Variants in EFCAB5 observed in about 807,000 individuals in gnomAD.
EFCAB5 encodes EF-hand calcium binding domain 5.
A neutral mutation model predicts 167.9 loss-of-function variants in EFCAB5; 131 were observed. That is an observed-to-expected ratio of 0.78 (90% CI 0.68 to 0.90). EFCAB5 has a LOEUF of 0.90. Ranked by LOEUF, EFCAB5 falls within the 40% of genes least tolerant of loss-of-function variation. The pLI is 0.00. For missense variants in EFCAB5, 1,663 were observed against 1,745.2 expected (o/e 0.95, Z 0.84); for synonymous variants, 574 against 602.8 (o/e 0.95, Z 0.70).
upstream of EFCAB5, among the ~76,000 whole-genome samples, chr17:29,938,697 C>A (rs1186988089): frequency 6.6e-6 from 1 of 152,218 alleles, no homozygotes; most frequent in Non-Finnish European, 1.5e-5. Flanking sequence ...AAACTGCTTT[C>A]TTTGCCCATC....
At chr17:29,931,338 G>GA (rs1051838880) in intron 1 of EFCAB5, among the ~76,000 whole-genome samples, 27 of 152,172 alleles carry the variant, frequency 1.8e-4, no homozygotes, top group Non-Finnish European at 2.4e-4. Context: ...TGACAGGGCT[G>GA]TCATGAGCTC....
At chr17:29,939,526 G>A (rs1041677341), upstream of EFCAB5, among the ~76,000 whole-genome samples, 9 of 152,200 alleles carry the variant, frequency 5.9e-5, no homozygotes, top group African/African-American at 1.9e-4. Flanking sequence ...AGGCTGTTTA[G>A]TCTGCATGGA....
intron 7 of EFCAB5, among the ~76,000 whole-genome samples, chr17:30,000,993 T>C (rs1477454224): frequency 1.3e-5 from 2 of 152,194 alleles, no homozygotes; most frequent in African/African-American, 4.8e-5. Flanking sequence ...CCCTTCTGCC[T>C]CAGAGTCTGC....
chr17:30,034,323 A>G lies in EFCAB5; in HGVS notation c.1138A>G (p.Ile380Val). The change falls in exon 8 of 23, where the codon ATA (isoleucine) becomes GTA (valine). Residue 380 changes from isoleucine (I) to valine (V), a missense_variant. Transcript: ENST00000394835. ...CHSADEFREV[I>V]KADMRRQMFA... ...CTCTGCAGATGAATTTCGGGAGGTC[A>G]TAAAAGCTGACATGCGGAGGCAGAT... 3 of 1,613,746 alleles carry G rather than the reference A, an allele frequency of 1.9e-6. No homozygotes were observed. Among genetic ancestry groups the G allele is most frequent in the Middle Eastern group, 1.6e-4 (1 of 6,062 alleles).
chr17:30,045,931 A>G (rs1361688354), intron 8 of EFCAB5, among the ~76,000 whole-genome samples: 5 of 152,170 alleles, frequency 3.3e-5, no homozygotes, highest in Non-Finnish European at 4.4e-5. Context: ...AGTCCCAGCT[A>G]TTCAGGAGGC....
chr17:29,968,319 T>G (rs1459207062), intron 3 of EFCAB5: 3 of 454,368 alleles, frequency 6.6e-6, no homozygotes, highest in African/African-American at 6.0e-5. Flanking sequence ...CATTTCCCTT[T>G]ACCAGCGATT....
chr17:29,982,283 A>C (rs2068192890), intron 4 of EFCAB5, among the ~76,000 whole-genome samples: 1 of 152,138 alleles, frequency 6.6e-6, no homozygotes, highest in African/African-American at 2.4e-5. Flanking sequence ...AATACAAAAA[A>C]TTAGCCGGGA....
At chr17:29,985,684 G>A (rs1282854991) in intron 4 of EFCAB5, among the ~76,000 whole-genome samples, 2 of 152,174 alleles carry the variant, frequency 1.3e-5, no homozygotes, top group African/African-American at 2.4e-5. Flanking sequence ...GGCACAGATC[G>A]CTTATGCTAT....
chr17:29,996,238 T>C (rs2068540814), intron 5 of EFCAB5, 74 bp from the exon 6 acceptor site: 3 of 1,277,280 alleles, frequency 2.3e-6, no homozygotes, highest in Non-Finnish European at 2.2e-6. Flanking sequence ...TGGCTTTTAG[T>C]CTAAAATAAC....
intron 4 of EFCAB5, among the ~76,000 whole-genome samples, chr17:29,990,010 C>G (rs946637180): frequency 5.9e-5 from 9 of 152,272 alleles, no homozygotes; most frequent in Middle Eastern, 6.8e-3. Flanking sequence ...AGGACTATAT[C>G]ATTGCTCTGG....
At chr17:30,093,875 A>G (rs1318007588) in intron 22 of EFCAB5, among the ~76,000 whole-genome samples, 1 of 152,216 alleles carries the variant, frequency 6.6e-6, no homozygotes, top group African/African-American at 2.4e-5. Context: ...ATATCAGGAA[A>G]TTCTAAGCTT....
At chr17:29,957,964 G>T (rs1243456679) in intron 3 of EFCAB5, among the ~76,000 whole-genome samples, 1 of 152,166 alleles carries the variant, frequency 6.6e-6, no homozygotes, top group South Asian at 2.1e-4. Flanking sequence ...CAGTGTAAAA[G>T]TGTTCCTATT....
In EFCAB5 at chr17:29,968,993, G is replaced by C; in HGVS notation, c.393G>C (p.Gln131His). ...RMEARAQAMQ[Q>H]KIIDKENLKK... ...AGGCAAGAGCCCAAGCAATGCAGCA[G>C]AAAATAATAGATAAGGAAAATCTGA... The change falls in exon 4 of 23, where the codon CAG becomes CAC. Residue 131 changes from glutamine (Q) to histidine (H), a missense_variant. Coordinates refer to ENST00000394835, the MANE Select transcript of EFCAB5 (RefSeq NM_198529.4). 6.3e-7 allele frequency: 1 copy of C among 1,587,450 alleles called. No homozygotes were observed. Among genetic ancestry groups the C allele is most frequent in the Non-Finnish European group, 8.6e-7 (1 of 1,168,416 alleles).
chr17:29,944,318 C>T (rs767005669), intron 3 of EFCAB5, among the ~76,000 whole-genome samples: 1 of 151,950 alleles, frequency 6.6e-6, no homozygotes, highest in Non-Finnish European at 1.5e-5. Context: ...TGGACTCAGG[C>T]GATCCTCCTG....
chr17:30,097,060 ATT>A (rs199614574), intron 22 of EFCAB5, among the ~76,000 whole-genome samples: 2 of 65,610 alleles, frequency 3.0e-5, no homozygotes, highest in Non-Finnish European at 5.6e-5. Context: ...ATATATATAT[ATT>A]TTTTTTTTTT....
At chr17:30,010,116 T>G (rs2068863622) in intron 7 of EFCAB5, among the ~76,000 whole-genome samples, 1 of 152,184 alleles carries the variant, frequency 6.6e-6, no homozygotes, top group African/African-American at 2.4e-5. Flanking sequence ...TTCATCCATG[T>G]CCCTACAAAG....
At position 30,092,161 on chromosome 17, in the gene EFCAB5, A is replaced by C; in HGVS notation, c.4224+4A>C. 4 of 1,598,562 alleles carry C rather than the reference A, an allele frequency of 2.5e-6. No individual in the cohort carries two copies. Among genetic ancestry groups the C allele is most frequent in the Admixed American group, 1.8e-5 (1 of 56,522 alleles). ...AAGTTGGGATAAGTGTAAATTTGTA[A>C]GTTTTTTTTTAAAAAGCACCTTTTA... On this transcript the variant is annotated splice_donor_region_variant and intron_variant, in intron 21 of 22. Transcript: ENST00000394835.
intron 1 of EFCAB5, among the ~76,000 whole-genome samples, chr17:29,935,155 T>C (rs1356225730): frequency 6.6e-6 from 1 of 152,144 alleles, no homozygotes; most frequent in African/African-American, 2.4e-5. Context: ...GCAACTGCAG[T>C]ATTATTGAGT....
At chr17:29,941,607 T>C, upstream of EFCAB5, 1 of 514,088 alleles carries the variant, frequency 1.9e-6, no homozygotes, top group Non-Finnish European at 3.4e-6. Context: ...AGTAATACAG[T>C]TGGAAAAGTT....
Sources: gnomAD v4.1 joint callset for allele counts (sites outside exome capture counted in the v4.1 genomes callset) on GRCh38, gnomAD v4.1.1 for gene constraint, MANE v1.5 for transcripts, NCBI Gene and HGNC (gene_info 2026-07-23, HGNC 2026-07-21) for gene names.